Variants in ANKHD1 observed in about 807,000 individuals in gnomAD.
ANKHD1 encodes ankyrin repeat and KH domain-containing protein 1.
A neutral mutation model predicts 230.5 loss-of-function variants in ANKHD1; 31 were observed. That is an observed-to-expected ratio of 0.13 (90% CI 0.10 to 0.18). The LOEUF (loss-of-function observed/expected upper bound fraction) is 0.18. Ranked by LOEUF, ANKHD1 falls within the 10% of genes least tolerant of loss-of-function variation. The probability of loss-of-function intolerance (pLI) is 1.00; values close to 1 mark genes in which losing one functional copy is unlikely to be tolerated. For synonymous variants in ANKHD1, 1,074 were observed against 1,117.6 expected (o/e 0.96, Z 0.78); for missense variants, 2,256 against 3,071.3 (o/e 0.73, Z 6.27).
At chr5:140,518,343 G>A (rs1265234678) in intron 24 of ANKHD1, among the ~76,000 whole-genome samples, 23 of 151,978 alleles carry the variant, frequency 1.5e-4, no homozygotes, top group African/African-American at 5.3e-4. Context: ...ATTCACAGCC[G>A]AATTCTACCA....
intron 10 of ANKHD1, among the ~76,000 whole-genome samples, chr5:140,466,900 C>T (rs1361093995): frequency 6.6e-6 from 1 of 151,462 alleles, no homozygotes; most frequent in East Asian, 1.9e-4. Context: ...TGCCATTGCA[C>T]TCCAGCCTGG....
chr5:140,428,928 A>G (rs891707884), intron 1 of ANKHD1, among the ~76,000 whole-genome samples: 1 of 149,836 alleles, frequency 6.7e-6, no homozygotes, highest in African/African-American at 2.5e-5. Context: ...GACTACAGGC[A>G]TGCACCATGA....
Position 140,458,642 on chromosome 5 carries a change from G to A in ANKHD1, c.1260G>A (p.Val420=). Reference sequence around the variant, plus strand: ...ATCTGCAGGATGGACATGTAGAGGTGGCACGTTTGCTTTTGGATAGTGGTG... The same window carrying A: ...ATCTGCAGGATGGACATGTAGAGGTAGCACGTTTGCTTTTGGATAGTGGTG... ...MEACMDGHVE[V]ARLLLDSGAQ... The change falls in exon 8 of 34, where the codon GTG becomes GTA. Residue 420 remains valine (V), a synonymous_variant. Coordinates refer to ENST00000360839, the MANE Select transcript of ANKHD1 (RefSeq NM_017747.3). 1 of 1,592,420 alleles carries A rather than the reference G, an allele frequency of 6.3e-7. No individual in the cohort carries two copies. Among genetic ancestry groups the A allele is most frequent in the Non-Finnish European group, 8.6e-7 (1 of 1,166,422 alleles).
At chr5:140,519,517 A>T (rs1411079068) in intron 24 of ANKHD1, among the ~76,000 whole-genome samples, 1 of 152,252 alleles carries the variant, frequency 6.6e-6, no homozygotes, top group Non-Finnish European at 1.5e-5. Flanking sequence ...ACACTACCTG[A>T]CTTCCAACTA....
At chr5:140,472,181 C>A in intron 10 of ANKHD1, 1 of 1,518,108 alleles carries the variant, frequency 6.6e-7, no homozygotes, top group South Asian at 1.1e-5. Flanking sequence ...TCTTCATGGC[C>A]AAATGTGATT....
chr5:140,523,903 T>G (rs1753481993), intron 24 of ANKHD1, among the ~76,000 whole-genome samples, 163 bp from the exon 25 acceptor site: 1 of 152,156 alleles, frequency 6.6e-6, no homozygotes, highest in South Asian at 2.1e-4. Context: ...TATAAAAGTT[T>G]TTAATTTTGA....
chr5:140,520,256 G>A (rs1374112231), intron 24 of ANKHD1, among the ~76,000 whole-genome samples: 81 of 152,104 alleles, frequency 5.3e-4, no homozygotes, highest in South Asian at 1.7e-3. Context: ...TTAGAATGGC[G>A]ATCATTAAAA....
At chr5:140,508,571 T>C (rs934329774) in intron 20 of ANKHD1, among the ~76,000 whole-genome samples, 1 of 152,024 alleles carries the variant, frequency 6.6e-6, no homozygotes, top group Admixed American at 6.6e-5. Flanking sequence ...CTGACCAATA[T>C]GGTGAAACCC....
Position 140,528,978 on chromosome 5 carries a change from C to G in ANKHD1, c.6032C>G (p.Ala2011Gly). The change falls in exon 29 of 34, where the codon GCA (alanine) becomes GGA (glycine). Residue 2011 changes from alanine (A) to glycine (G), a missense_variant. Ala to Gly is a moderately conservative substitution (Grantham distance 60, BLOSUM62 0). Coordinates refer to ENST00000360839, the MANE Select transcript of ANKHD1 (RefSeq NM_017747.3). ...TTTCTACCTGCAAGTACTTCTCAAGCACAGCTTTCTTCACAAAAGATGGAG... is the reference window on the plus strand; with the variant it reads ...TTTCTACCTGCAAGTACTTCTCAAGGACAGCTTTCTTCACAAAAGATGGAG... ...TTFLPASTSQ[A>G]QLSSQKMESF... 6.2e-7 allele frequency: 1 copy of G among 1,614,218 alleles called. No individual in the cohort carries two copies. Among genetic ancestry groups the G allele is most frequent in the Non-Finnish European group, 8.5e-7 (1 of 1,180,046 alleles).
intron 2 of ANKHD1, among the ~76,000 whole-genome samples, chr5:140,436,536 G>A (rs567258878): frequency 2.6e-5 from 4 of 152,160 alleles, no homozygotes; most frequent in East Asian, 1.9e-4. Context: ...GCCTGAGCTC[G>A]GAGTTCAAGA....
In ANKHD1 at chr5:140,505,775, A is replaced by G. The variant is rs1238373868; in HGVS notation, c.3314A>G (p.Glu1105Gly). 6.2e-7 allele frequency: 1 copy of G among 1,613,134 alleles called. No homozygotes were observed. The highest frequency in any genetic ancestry group is 8.5e-7 in the Non-Finnish European group (1 of 1,179,690). Residue 1105 changes from glutamate to glycine, a missense_variant, in exon 18 of 34, where the codon GAA becomes GGA. This residue lies in a region of ANKHD1 where 63 missense variants were observed against 125.5 expected (regional missense o/e 0.50). Transcript: ENST00000360839. The part of the protein sequence containing the change: ...AATAGHVGVV[E>G]ILLDKGGDIE... Reference sequence around the variant, plus strand: ...ACAGCAGGGCATGTTGGAGTTGTTGAAATCCTTTTGGATAAAGGTGGAGAT... The same window carrying G: ...ACAGCAGGGCATGTTGGAGTTGTTGGAATCCTTTTGGATAAAGGTGGAGAT...
At chr5:140,505,090 A>C in intron 16 of ANKHD1, 32 bp from the exon 17 acceptor site, 3 of 1,604,446 alleles carry the variant, frequency 1.9e-6, no homozygotes, top group Non-Finnish European at 2.5e-6. Context: ...TTCTGTTAAA[A>C]AAAATTTTAA....
intron 1 of ANKHD1, among the ~76,000 whole-genome samples, chr5:140,433,368 A>T (rs1773206303): frequency 1.3e-5 from 2 of 152,184 alleles, no homozygotes; most frequent in Admixed American, 1.3e-4. Context: ...CCCAGCCTCC[A>T]AGCCTATTTT....
intron 5 of ANKHD1, among the ~76,000 whole-genome samples, chr5:140,442,033 CTTTTTTT>C (rs901282726): frequency 2.3e-5 from 2 of 86,924 alleles, no homozygotes; most frequent in Non-Finnish European, 2.2e-5. Flanking sequence ...ATAAGATATT[CTTTTTTT>C]TTTTTTTTTT....
chr5:140,425,451 G>C (rs1051371726), intron 1 of ANKHD1, among the ~76,000 whole-genome samples: 1 of 152,044 alleles, frequency 6.6e-6, no homozygotes, highest in African/African-American at 2.4e-5. Context: ...TAGAGACAGG[G>C]TTTCACCCTG....
chr5:140,427,068 G>C (rs1284158166), intron 1 of ANKHD1, among the ~76,000 whole-genome samples: 1 of 151,572 alleles, frequency 6.6e-6, no homozygotes, highest in Non-Finnish European at 1.5e-5. Flanking sequence ...GGGCGGAGGG[G>C]CTCCTCACTT....
In ANKHD1 at chr5:140,528,565, C is replaced by G. The variant is rs373392221; in HGVS notation, c.5619C>G (p.Pro1873=). ...TMQQIRHPRL[P]MAQFGGTFSP... is the part of the protein sequence containing the mutation. ...AACAGATTCGGCATCCTCGCTTACC[C>G]ATGGCCCAGTTTGGAGGAACCTTCT... The change falls in exon 29 of 34, where the codon CCC becomes CCG. Residue 1873 remains proline, a synonymous_variant. Coordinates refer to ENST00000360839, the MANE Select transcript of ANKHD1 (RefSeq NM_017747.3). The G allele has an allele frequency of 1.2e-5, 19 of 1,614,112 alleles. No homozygotes were observed. Among genetic ancestry groups the G allele is most frequent in the Non-Finnish European group, 1.5e-5 (18 of 1,180,048 alleles).
At chr5:140,509,485 C>A in intron 20 of ANKHD1, 152 bp from the exon 21 acceptor site, 2 of 883,410 alleles carry the variant, frequency 2.3e-6, no homozygotes, top group Non-Finnish European at 3.1e-6. Flanking sequence ...CAAAATATTG[C>A]TTAGCTCTTT....
chr5:140,510,237 A>G, intron 22 of ANKHD1, 56 bp downstream of exon 22: 87 of 1,511,486 alleles, frequency 5.8e-5, no homozygotes, highest in Non-Finnish European at 7.5e-5. Flanking sequence ...AGTTAAAACC[A>G]TGTGAGAAAG....
Sources: allele counts gnomAD v4.1 joint callset (sites outside exome capture counted in the v4.1 genomes callset), GRCh38; gene constraint gnomAD v4.1.1; regional missense constraint gnomAD v4.1.1; transcripts MANE v1.5; gene names NCBI Gene and HGNC (gene_info 2026-07-23, HGNC 2026-07-21).